CCDC7: variants seen among roughly 807,000 people sequenced by gnomAD.
CCDC7 encodes the protein coiled-coil domain containing 7, also known as coiled-coil domain-containing protein 7.
CCDC7 carries 183 observed loss-of-function variants against 196.9 expected under a neutral mutation model. The observed-to-expected ratio is 0.93, with a 90% CI of 0.82 to 1.05. The LOEUF (loss-of-function observed/expected upper bound fraction) is 1.05, where lower values mean the gene tolerates loss of function less well. Among genes scored for constraint, CCDC7 ranks in the 50% least tolerant of loss-of-function variants. CCDC7 has a pLI of 0.00. For synonymous variants in CCDC7, 525 were observed against 484.6 expected (o/e 1.08, Z -1.10); for missense variants, 1,540 against 1,482.2 (o/e 1.04, Z -0.64).
intron 24 of CCDC7, among the ~76,000 whole-genome samples, chr10:32,710,306 T>G (rs1241443188): frequency 6.6e-6 from 1 of 152,230 alleles, no homozygotes; most frequent in Non-Finnish European, 1.5e-5. Context: ...AATCCCTTGC[T>G]GGGTCATAAG....
chr10:32,590,977 ATC>A (rs1417019366), intron 18 of CCDC7, among the ~76,000 whole-genome samples: 2 of 151,958 alleles, frequency 1.3e-5, no homozygotes, highest in African/African-American at 2.4e-5. Flanking sequence ...TTTGGGTTAA[ATC>A]TGTTTCTATA....
intron 15 of CCDC7, among the ~76,000 whole-genome samples, chr10:32,571,399 A>G (rs979668451): frequency 4.6e-5 from 7 of 152,170 alleles, no homozygotes; most frequent in African/African-American, 1.7e-4. Context: ...TACAAAAAGT[A>G]CCTCCACAGT....
At chr10:32,774,364 G>A (rs1305145441) in intron 28 of CCDC7, among the ~76,000 whole-genome samples, 1 of 151,978 alleles carries the variant, frequency 6.6e-6, no homozygotes, top group East Asian at 1.9e-4. Context: ...CATGGGACAG[G>A]ACTGGAGTGA....
intron 21 of CCDC7, among the ~76,000 whole-genome samples, chr10:32,679,811 GCATGGAT>G (rs922698206): frequency 3.3e-5 from 5 of 152,198 alleles, no homozygotes; most frequent in Non-Finnish European, 7.4e-5. Context: ...TATGGTTTAT[GCATGGAT>G]GACAGATAGG....
intron 32 of CCDC7, among the ~76,000 whole-genome samples, chr10:32,827,896 G>GA (rs1172451920): frequency 6.6e-6 from 1 of 152,124 alleles, no homozygotes; most frequent in Non-Finnish European, 1.5e-5. Context: ...ATGCAGCCAC[G>GA]AAATCCCTTT....
intron 18 of CCDC7, among the ~76,000 whole-genome samples, chr10:32,586,132 T>C (rs2059245491): frequency 6.6e-6 from 1 of 152,238 alleles, no homozygotes; most frequent in Non-Finnish European, 1.5e-5. Flanking sequence ...CCAGTGGTGA[T>C]GAGCTTTTTT....
At chr10:32,653,377 C>A (rs1248174099) in intron 20 of CCDC7, among the ~76,000 whole-genome samples, 1 of 151,982 alleles carries the variant, frequency 6.6e-6, no homozygotes, top group East Asian at 1.9e-4. Context: ...CCCCCACCCC[C>A]TGATACTTTC....
chr10:32,713,641 G>A (rs765090286), intron 25 of CCDC7, among the ~76,000 whole-genome samples: 14 of 152,236 alleles, frequency 9.2e-5, no homozygotes, highest in Non-Finnish European at 1.9e-4. Context: ...CTTAGTGCCT[G>A]GTGGGACCAC....
At chr10:32,636,670 A>G (rs1010920743) in intron 20 of CCDC7, among the ~76,000 whole-genome samples, 1 of 152,168 alleles carries the variant, frequency 6.6e-6, no homozygotes, top group Admixed American at 6.5e-5. Context: ...GCTATTGTGA[A>G]TAGTGCCGCA....
rs548530992 is a variant in CCDC7, at chr10:32,785,386, T to C, written c.3013+6302T>C. Among the ~76,000 whole-genome samples the C allele has an allele frequency of 3.9e-5, 6 of 152,282 alleles. No individual in the cohort carries two copies. The East Asian group carries it at 1.2e-3, about 29-fold the overall frequency. ...TATTTATAAGCTGAAGAAAACATAA[T>C]GGACACTAGGATATATTTGAGACTA... On this transcript the variant is annotated intron_variant, in intron 29 of 41. Transcript: ENST00000639629.
At chr10:32,545,508 C>T (rs1327849834) in intron 13 of CCDC7, among the ~76,000 whole-genome samples, 4 of 152,152 alleles carry the variant, frequency 2.6e-5, no homozygotes, top group African/African-American at 9.7e-5. Flanking sequence ...ATTTTCCTTC[C>T]ATGACCTCCC....
rs1256428110 is a variant in CCDC7 at position 32,689,044 on chromosome 10, T to G, written c.2234-9T>G. On this transcript the variant is annotated splice_polypyrimidine_tract_variant and intron_variant, in intron 22 of 41. Coordinates refer to ENST00000639629, the Ensembl canonical transcript of CCDC7. ...TAATTTAGCGGACTAAACACATCTT[T>G]TTCTGTAGCTCCTGATAAAGAACCA... is the stretch of plus-strand genomic sequence containing the variant. 3.3e-6 allele frequency: 5 copies of G among 1,523,588 alleles called. No individual in the cohort carries two copies. The highest frequency in any genetic ancestry group is 3.4e-5 in the Admixed American group (2 of 58,160). The allele number at this position is 1,523,588 out of a possible 1,614,324, so 94.4% of individuals were successfully genotyped here. A position where few individuals can be genotyped will look rare whatever the true frequency, so the allele number is the denominator to read the frequency against.
intron 8 of CCDC7, among the ~76,000 whole-genome samples, chr10:32,484,421 A>G (rs1296475247): frequency 2.0e-5 from 3 of 152,220 alleles, no homozygotes; most frequent in Admixed American, 2.0e-4. Flanking sequence ...TTTTCTAAAT[A>G]TACAGTCATG....
chr10:32,695,901 G>A (rs1204761604), intron 24 of CCDC7, among the ~76,000 whole-genome samples: 2 of 152,136 alleles, frequency 1.3e-5, no homozygotes, highest in Non-Finnish European at 2.9e-5. Flanking sequence ...ACTACGGCAT[G>A]AGCCACCAAT....
At chr10:32,718,104 C>T (rs1385183297) in intron 25 of CCDC7, among the ~76,000 whole-genome samples, 2 of 152,126 alleles carry the variant, frequency 1.3e-5, no homozygotes, top group East Asian at 3.8e-4. Context: ...AGGCCAATAT[C>T]CCTGATGAAC....
At position 32,846,443 on chromosome 10, in the gene CCDC7, A is replaced by G. The variant is rs146319159; in HGVS notation, c.3672A>G (p.Gln1224=). 3.8e-6 allele frequency: 6 copies of G among 1,594,824 alleles called. No homozygotes were observed. The African/African-American group carries it at 5.4e-5, about 14-fold the overall frequency. Residue 1224 remains glutamine, a synonymous_variant, in exon 37 of 42, where the codon CAA becomes CAG. Coordinates refer to ENST00000639629, the Ensembl canonical transcript of CCDC7. The stretch of plus-strand genomic sequence containing the variant: ...TAATAAAGGGACCAATCAGTGCACA[A>G]TTAAAGAGTCACCAGGGTAAGAAAA...
chr10:32,872,885 A>G (rs376473872), intron 41 of CCDC7, among the ~76,000 whole-genome samples: 41 of 152,056 alleles, frequency 2.7e-4, no homozygotes, highest in Non-Finnish European at 2.9e-5. Flanking sequence ...CTTCTGGCTT[A>G]TAGAGTTTCT....
intron 9 of CCDC7, among the ~76,000 whole-genome samples, chr10:32,516,028 A>G (rs1180117919): frequency 6.6e-6 from 1 of 152,148 alleles, no homozygotes; most frequent in African/African-American, 2.4e-5. Context: ...ACTTTATCCA[A>G]ATTAAAAACT....
chr10:32,860,573 G>T (rs934266941), intron 41 of CCDC7, among the ~76,000 whole-genome samples: 1 of 152,138 alleles, frequency 6.6e-6, no homozygotes, highest in Non-Finnish European at 1.5e-5. Context: ...GGGCAATCAG[G>T]CAAGAGAAAG....
Sources: allele counts gnomAD v4.1 joint callset (sites outside exome capture counted in the v4.1 genomes callset), GRCh38; gene constraint gnomAD v4.1.1; transcripts MANE v1.5; gene names NCBI Gene and HGNC (gene_info 2026-07-23, HGNC 2026-07-21).